Variants in AKR1C8 observed in about 807,000 individuals in gnomAD.
The protein encoded by AKR1C8 is aldo-keto reductase family 1 member C8, also known as aldo-keto reductase family 1 member C-like protein 1.
chr10:5,150,722 T>C, the AKR1C8 span, among the ~76,000 whole-genome samples: 1 of 152,062 alleles, frequency 6.6e-6, no homozygotes, highest in Non-Finnish European at 1.5e-5. Context: ...AAGTCATTCA[T>C]TTAGCCACAT....
chr10:5,177,093 A>G, the AKR1C8 span, among the ~76,000 whole-genome samples: 1 of 152,174 alleles, frequency 6.6e-6, no homozygotes, highest in Non-Finnish European at 1.5e-5. Flanking sequence ...TTGCCCATTC[A>G]GTATGATATT....
At chr10:5,149,975 T>G in the AKR1C8 span, among the ~76,000 whole-genome samples, 5 of 152,050 alleles carry the variant, frequency 3.3e-5, no homozygotes, top group Admixed American at 2.6e-4. Flanking sequence ...TTCTGGACTT[T>G]GAAAAACAAA....
the AKR1C8 span, among the ~76,000 whole-genome samples, chr10:5,137,975 G>C: frequency 0.41 from 61,931 of 151,770 alleles, 13,530 homozygotes; most frequent in African/African-American, 0.46. Context: ...GCTTCTGAGG[G>C]AACAGGACAA....
the AKR1C8 span, among the ~76,000 whole-genome samples, chr10:5,159,185 T>C: frequency 6.6e-6 from 1 of 152,148 alleles, no homozygotes; most frequent in African/African-American, 2.4e-5. Context: ...AAAATAGTAA[T>C]TATGATGAAT....
At chr10:5,131,180 A>C in the AKR1C8 span, among the ~76,000 whole-genome samples, 3 of 152,098 alleles carry the variant, frequency 2.0e-5, no homozygotes. Context: ...AAATCAACTC[A>C]AGATGGATCA....
chr10:5,175,849 T>C, the AKR1C8 span, among the ~76,000 whole-genome samples: 1 of 152,172 alleles, frequency 6.6e-6, no homozygotes, highest in African/African-American at 2.4e-5. Context: ...GTAAATTTGT[T>C]TGAGTTCATT....
the AKR1C8 span, chr10:5,155,550 G>C: frequency 1.8e-5 from 6 of 339,782 alleles, no homozygotes; most frequent in Admixed American, 2.3e-4. Context: ...AAGGCTACAG[G>C]GCATCTCCTA....
chr10:5,177,235 T>A, the AKR1C8 span, among the ~76,000 whole-genome samples: 1 of 152,006 alleles, frequency 6.6e-6, no homozygotes. Context: ...ATTGAGATAA[T>A]CATGTGGTTT....
chr10:5,159,103 T>C, the AKR1C8 span, among the ~76,000 whole-genome samples: 1 of 152,156 alleles, frequency 6.6e-6, no homozygotes, highest in Non-Finnish European at 1.5e-5. Context: ...CAATGACGCA[T>C]GCTGCCAAAG....
the AKR1C8 span, among the ~76,000 whole-genome samples, chr10:5,148,127 T>TGG: frequency 6.6e-6 from 1 of 151,992 alleles, no homozygotes; most frequent in African/African-American, 2.4e-5. Context: ...GGCTGCTACG[T>TGG]GGGGGCTTCT....
chr10:5,119,842 C>T, the AKR1C8 span, among the ~76,000 whole-genome samples: 1 of 152,172 alleles, frequency 6.6e-6, no homozygotes, highest in African/African-American at 2.4e-5. Context: ...TAATTCTTTT[C>T]CCACTCTGCG....
the AKR1C8 span, among the ~76,000 whole-genome samples, chr10:5,117,165 G>T: frequency 2.6e-5 from 4 of 151,424 alleles, no homozygotes; most frequent in African/African-American, 9.7e-5. Context: ...AGGGTTAAAA[G>T]GTGCTTCCTA....
At chr10:5,171,855 G>A in the AKR1C8 span, among the ~76,000 whole-genome samples, 1 of 152,056 alleles carries the variant, frequency 6.6e-6, no homozygotes, top group Non-Finnish European at 1.5e-5. Flanking sequence ...TTGAATGGAG[G>A]TAAAAATCCA....
chr10:5,160,528 T>C, the AKR1C8 span, among the ~76,000 whole-genome samples: 1 of 152,336 alleles, frequency 6.6e-6, no homozygotes, highest in East Asian at 1.9e-4. Context: ...ACTCCTTTTG[T>C]GCTTCTCTAT....
At chr10:5,172,636 G>A in the AKR1C8 span, among the ~76,000 whole-genome samples, 1 of 152,194 alleles carries the variant, frequency 6.6e-6, no homozygotes, top group Admixed American at 6.6e-5. Context: ...GCAGAGATAA[G>A]TATGAAATTG....
chr10:5,173,584 CA>C, the AKR1C8 span, among the ~76,000 whole-genome samples: 1 of 150,726 alleles, frequency 6.6e-6, no homozygotes, highest in East Asian at 2.0e-4. Flanking sequence ...CTTATACAGC[CA>C]AAAAAGACTT....
chr10:5,149,497 C>T, the AKR1C8 span, among the ~76,000 whole-genome samples: 1 of 152,052 alleles, frequency 6.6e-6, no homozygotes, highest in African/African-American at 2.4e-5. Flanking sequence ...GTATCTGTGC[C>T]TTCAGATGAA....
chr10:5,176,613 T>A, the AKR1C8 span, among the ~76,000 whole-genome samples: 1 of 151,998 alleles, frequency 6.6e-6, no homozygotes, highest in Non-Finnish European at 1.5e-5. Flanking sequence ...CCCATGAGCA[T>A]GGAATGTTCT....
At chr10:5,156,037 A>T in the AKR1C8 span, among the ~76,000 whole-genome samples, 2 of 152,320 alleles carry the variant, frequency 1.3e-5, no homozygotes, top group African/African-American at 4.8e-5. Flanking sequence ...GAATTGCTTG[A>T]GGCAGAAAAA....
Sources: gnomAD v4.1 joint callset for allele counts (sites outside exome capture counted in the v4.1 genomes callset) on GRCh38, gnomAD v4.1.1 for gene constraint, MANE v1.5 for transcripts, NCBI Gene and HGNC (gene_info 2026-07-23, HGNC 2026-07-21) for gene names.